RANBP2: variants seen among roughly 807,000 people sequenced by gnomAD.
The protein encoded by RANBP2 is RAN binding protein 2, also known as E3 SUMO-protein ligase RanBP2.
Under a neutral mutation model 303.6 loss-of-function variants are expected in RANBP2, and 57 were observed. The ratio of observed to expected loss-of-function variants is 0.19; its 90% CI spans 0.15 to 0.23. The LOEUF is 0.23. RANBP2 is among the 10% of genes least tolerant of loss of function. The pLI is 1.00. For synonymous variants in RANBP2, 1,167 were observed against 1,301.5 expected, an observed-to-expected ratio of 0.90 and a Z score of 2.23; for missense variants, 3,138 against 3,780.8, an observed-to-expected ratio of 0.83 and a Z score of 4.46.
chr2:108,858,965 C>G, the RANBP2 span, among the ~76,000 whole-genome samples: 1 of 152,166 alleles, frequency 6.6e-6, no homozygotes, highest in Admixed American at 6.5e-5. Flanking sequence ...ATTTTGAATA[C>G]AGCTGCTGCA....
At chr2:108,941,895 GCAGGTGGGAGCTTAT>G in the RANBP2 span, among the ~76,000 whole-genome samples, 1 of 151,860 alleles carries the variant, frequency 6.6e-6, no homozygotes, top group African/African-American at 2.4e-5. Context: ...GTGCCCGACA[GCAGGTGGGAGCTTAT>G]CAGGTCACAG....
At chr2:109,537,994 A>C in the RANBP2 span, among the ~76,000 whole-genome samples, 1 of 151,808 alleles carries the variant, frequency 6.6e-6, no homozygotes, top group East Asian at 1.9e-4. Context: ...CACACACACA[A>C]ATTTATCTTA....
the RANBP2 span, chr2:109,129,744 C>T: frequency 9.1e-6 from 14 of 1,539,402 alleles, no homozygotes; most frequent in East Asian, 3.4e-4. Context: ...ACACCACGGC[C>T]AAGGTGCTGC....
the RANBP2 span, among the ~76,000 whole-genome samples, chr2:109,161,226 C>T: frequency 6.6e-6 from 1 of 152,150 alleles, no homozygotes; most frequent in Non-Finnish European, 1.5e-5. Flanking sequence ...TGGGGAATCC[C>T]CACCTTATAA....
At chr2:109,371,491 C>T in the RANBP2 span, 2 of 980,744 alleles carry the variant, frequency 2.0e-6, no homozygotes, top group Non-Finnish European at 1.6e-6. Context: ...CTTGGAATCT[C>T]TTCCGAGCCT....
chr2:108,722,143 C>A (rs1451388890), intron 1 of RANBP2, among the ~76,000 whole-genome samples: 1 of 151,334 alleles, frequency 6.6e-6, no homozygotes, highest in South Asian at 2.1e-4. Flanking sequence ...AACCACTGGT[C>A]TAGACAGAAG....
At chr2:108,783,169 G>A (rs1050556049) in intron 28 of RANBP2, among the ~76,000 whole-genome samples, 2 of 150,878 alleles carry the variant, frequency 1.3e-5, no homozygotes, top group East Asian at 1.9e-4. Context: ...CAAAAATCTC[G>A]TCTGGACAAA....
downstream of RANBP2, chr2:108,788,172 A>G (rs1020611619): frequency 3.6e-5 from 51 of 1,413,618 alleles, no homozygotes; most frequent in Non-Finnish European, 4.6e-5. Context: ...TAATCCCAGC[A>G]CTTTGGGAGG....
the RANBP2 span, among the ~76,000 whole-genome samples, chr2:109,733,735 G>A: frequency 5.3e-5 from 8 of 152,044 alleles, no homozygotes; most frequent in Non-Finnish European, 7.4e-5. Context: ...AACTGAGCAC[G>A]GTGGCATGAA....
chr2:109,459,904 G>A, the RANBP2 span, among the ~76,000 whole-genome samples: 3 of 152,190 alleles, frequency 2.0e-5, no homozygotes, highest in Non-Finnish European at 4.4e-5. Flanking sequence ...CATGAGTCCT[G>A]GCTGTAGGAG....
chr2:109,293,933 G>A, the RANBP2 span, among the ~76,000 whole-genome samples: 6 of 152,146 alleles, frequency 3.9e-5, no homozygotes, highest in East Asian at 1.9e-4. Flanking sequence ...AATGGCCGGC[G>A]CCCTCCTCTA....
the RANBP2 span, chr2:109,592,939 A>C: frequency 6.9e-5 from 39 of 561,426 alleles, no homozygotes; most frequent in Non-Finnish European, 8.8e-6. Flanking sequence ...GTTGGAGGTA[A>C]GTACAAACAG....
the RANBP2 span, among the ~76,000 whole-genome samples, chr2:109,357,431 T>G: frequency 9.2e-5 from 14 of 152,206 alleles, no homozygotes; most frequent in African/African-American, 3.4e-4. Context: ...TCCACCCACC[T>G]CGGCCTCCCA....
chr2:109,224,983 A>G, the RANBP2 span, among the ~76,000 whole-genome samples: 2 of 152,152 alleles, frequency 1.3e-5, no homozygotes, highest in African/African-American at 4.8e-5. Flanking sequence ...TAAAAATCTT[A>G]TTTTAAAAAG....
At chr2:108,758,377 TG>T (rs1391154412) in intron 17 of RANBP2, 35 bp from the exon 18 acceptor site, 1 of 1,611,002 alleles carries the variant, frequency 6.2e-7, no homozygotes, top group Non-Finnish European at 8.5e-7. Context: ...TATAATTAAA[TG>T]TTTAAAATTA....
At chr2:109,525,086 T>G in the RANBP2 span, among the ~76,000 whole-genome samples, 7 of 151,792 alleles carry the variant, frequency 4.6e-5, no homozygotes, top group Non-Finnish European at 8.8e-5. Flanking sequence ...GTTGTTTTTT[T>G]TTTTTTTTTT....
At chr2:109,241,861 G>C in the RANBP2 span, among the ~76,000 whole-genome samples, 5 of 151,740 alleles carry the variant, frequency 3.3e-5, no homozygotes, top group Non-Finnish European at 5.9e-5. Flanking sequence ...CGCCTCCCGG[G>C]TTCACGCCAT....
chr2:109,420,703 C>T, the RANBP2 span, among the ~76,000 whole-genome samples: 1 of 152,132 alleles, frequency 6.6e-6, no homozygotes, highest in Non-Finnish European at 1.5e-5. Flanking sequence ...CCTTGGCCTC[C>T]CTAAATGCTG....
chr2:109,542,637 C>T, the RANBP2 span, among the ~76,000 whole-genome samples: 2 of 152,232 alleles, frequency 1.3e-5, no homozygotes, highest in African/African-American at 4.8e-5. Flanking sequence ...CACCTACCCT[C>T]CAGGACTCCC....
Sources: allele counts gnomAD v4.1 joint callset (sites outside exome capture counted in the v4.1 genomes callset), GRCh38; gene constraint gnomAD v4.1.1; transcripts MANE v1.5; gene names NCBI Gene and HGNC (gene_info 2026-07-23, HGNC 2026-07-21).